The following RAPGEF4 variants were observed in gnomAD, a reference collection of about 807,000 sequenced individuals.
RAPGEF4 encodes the protein Rap guanine nucleotide exchange factor 4, also known as RAP guanine-nucleotide-exchange factor (GEF) 4.
In RAPGEF4, 66 loss-of-function variants were observed where a neutral mutation model predicts 147.9. The observed-to-expected ratio is 0.45, with a 90% CI of 0.37 to 0.55. The LOEUF (loss-of-function observed/expected upper bound fraction) is 0.55, where lower values mean the gene tolerates loss of function less well. Ranked by LOEUF, RAPGEF4 falls within the 20% of genes least tolerant of loss-of-function variation. The pLI is 0.00. For missense variants in RAPGEF4, 1,071 were observed against 1,257.3 expected, an observed-to-expected ratio of 0.85 and a Z score of 2.24; for synonymous variants, 419 against 442.7, an observed-to-expected ratio of 0.95 and a Z score of 0.67.
At chr2:172,808,955 C>A (rs536356069) in intron 3 of RAPGEF4, among the ~76,000 whole-genome samples, 9 of 152,318 alleles carry the variant, frequency 5.9e-5, no homozygotes, top group African/African-American at 1.9e-4. Flanking sequence ...TCTTTATTAA[C>A]TTACCTAATG....
At chr2:173,009,968 A>G (rs1310016666) in intron 17 of RAPGEF4, among the ~76,000 whole-genome samples, 1 of 152,234 alleles carries the variant, frequency 6.6e-6, no homozygotes, top group African/African-American at 2.4e-5. Context: ...TAAAGAAAGT[A>G]ATGTTAACAT....
chr2:172,819,017 GTC>G (rs1367707670), intron 4 of RAPGEF4, among the ~76,000 whole-genome samples: 1 of 152,138 alleles, frequency 6.6e-6, no homozygotes, highest in African/African-American at 2.4e-5. Context: ...TTCCTCAATA[GTC>G]TCTATAAATA....
At chr2:173,026,887 C>T (rs1176676651) in intron 24 of RAPGEF4, among the ~76,000 whole-genome samples, 190 bp downstream of exon 24, 6 of 152,044 alleles carry the variant, frequency 3.9e-5, no homozygotes, top group East Asian at 1.9e-4. Flanking sequence ...TACAGTATGC[C>T]GTGTCTTCCT....
rs1272032778 is a variant in RAPGEF4, at chr2:173,027,151, T to G, written c.2450T>G (p.Leu817Arg). 6 of 1,613,604 alleles carry G rather than the reference T, an allele frequency of 3.7e-6. No homozygotes were observed. The highest frequency in any genetic ancestry group is 1.3e-5 in the African/African-American group (1 of 74,916). The change falls in exon 25 of 31, where the codon CTG (leucine) becomes CGG (arginine). Residue 817 changes from leucine to arginine, a missense_variant. Physicochemically the swap from Leu to Arg is moderately radical, Grantham distance 102 (BLOSUM62 -2). Coordinates refer to ENST00000397081, the MANE Select transcript of RAPGEF4 (RefSeq NM_007023.4). ...ACCACAGCAAACTTGGATTTGTTCC[T>G]GAGGAGATTTAATGAAATTCAGTTT... ...KKTTANLDLF[L>R]RRFNEIQFWV...
At chr2:173,046,479 G>A (rs539755211) in intron 29 of RAPGEF4, among the ~76,000 whole-genome samples, 2 of 152,238 alleles carry the variant, frequency 1.3e-5, no homozygotes, top group Admixed American at 1.3e-4. Flanking sequence ...GGGCATACTG[G>A]CAGCATTTCC....
At chr2:172,737,304 T>G (rs933019652) in intron 1 of RAPGEF4, among the ~76,000 whole-genome samples, 2 of 152,156 alleles carry the variant, frequency 1.3e-5, no homozygotes, top group Non-Finnish European at 2.9e-5. Context: ...TCACACAGGA[T>G]TATGTAGAAG....
chr2:172,776,351 A>G (rs756937520), intron 1 of RAPGEF4, among the ~76,000 whole-genome samples: 18 of 152,220 alleles, frequency 1.2e-4, no homozygotes, highest in Non-Finnish European at 2.2e-4. Flanking sequence ...GAGGGGAAAT[A>G]AATCCCACCT....
At chr2:172,990,718 C>A (rs1206184898) in intron 14 of RAPGEF4, 92 bp from the exon 15 acceptor site, 1 of 833,668 alleles carries the variant, frequency 1.2e-6, no homozygotes, top group South Asian at 1.6e-5. Context: ...ATTAGCATGA[C>A]AAGCACCAAA....
chr2:172,922,619 T>C (rs1374547003), intron 6 of RAPGEF4, among the ~76,000 whole-genome samples: 2 of 152,258 alleles, frequency 1.3e-5, no homozygotes, highest in African/African-American at 4.8e-5. Context: ...ATTAGCCTAA[T>C]AGCATATAGA....
intron 3 of RAPGEF4, among the ~76,000 whole-genome samples, chr2:172,810,108 T>A (rs1027328363): frequency 4.6e-5 from 7 of 152,256 alleles, no homozygotes; most frequent in Admixed American, 3.3e-4. Context: ...GAGGTACTTA[T>A]ACTTACTAGG....
At chr2:172,864,180 T>A (rs1324851408) in intron 4 of RAPGEF4, among the ~76,000 whole-genome samples, 3 of 152,152 alleles carry the variant, frequency 2.0e-5, no homozygotes, top group African/African-American at 7.2e-5. Flanking sequence ...ATTTGGGTTG[T>A]TTTCACAAAC....
intron 3 of RAPGEF4, among the ~76,000 whole-genome samples, chr2:172,807,491 A>G (rs749143677): frequency 1.3e-5 from 2 of 152,236 alleles, no homozygotes; most frequent in Non-Finnish European, 1.5e-5. Flanking sequence ...TTTGGCAGGA[A>G]ATGCTTCTGC....
At chr2:172,875,839 A>G (rs1404333922) in intron 4 of RAPGEF4, among the ~76,000 whole-genome samples, 11 of 152,140 alleles carry the variant, frequency 7.2e-5, no homozygotes. Context: ...CTTGGGCAGT[A>G]TGGCCATTTT....
chr2:172,987,530 G>A (rs1692393143), intron 12 of RAPGEF4, among the ~76,000 whole-genome samples: 2 of 152,110 alleles, frequency 1.3e-5, no homozygotes, highest in African/African-American at 4.8e-5. Flanking sequence ...AAAAGAAAGT[G>A]GATGGTTGTG....
At chr2:172,983,806 C>T (rs1438651063) in intron 11 of RAPGEF4, among the ~76,000 whole-genome samples, 1 of 152,146 alleles carries the variant, frequency 6.6e-6, no homozygotes, top group African/African-American at 2.4e-5. Flanking sequence ...CCCTAAACCC[C>T]AGAGCAGCCC....
At chr2:172,953,525 C>T (rs1468371945) in intron 6 of RAPGEF4, among the ~76,000 whole-genome samples, 3 of 151,900 alleles carry the variant, frequency 2.0e-5, no homozygotes, top group African/African-American at 7.3e-5. Flanking sequence ...TATTTCAACT[C>T]AGTGAAATAT....
chr2:172,904,118 T>A (rs1448580861), intron 4 of RAPGEF4, among the ~76,000 whole-genome samples: 1 of 152,242 alleles, frequency 6.6e-6, no homozygotes, highest in Non-Finnish European at 1.5e-5. Flanking sequence ...ATGTAGGCAC[T>A]TTTTTGTAAC....
chr2:172,960,154 AG>A lies in RAPGEF4; in HGVS notation c.538-605del, dbSNP rs1689139739. ...CTCTAGAGCCTAGAGCTGATCTGACAGTCACAGAATCCTGAACTCTGTACAC... is the reference window on the plus strand; with the variant it reads ...CTCTAGAGCCTAGAGCTGATCTGACATCACAGAATCCTGAACTCTGTACAC... On this transcript the variant is annotated intron_variant, in intron 6 of 30. Coordinates refer to ENST00000397081, the MANE Select transcript of RAPGEF4 (RefSeq NM_007023.4). Among the ~76,000 whole-genome samples, 3 of 152,226 alleles carry A rather than the reference AG, an allele frequency of 2.0e-5. No homozygotes were observed. The South Asian group carries it at 6.2e-4, about 31-fold the overall frequency.
chr2:172,918,084 A>G (rs1177698894), intron 5 of RAPGEF4: 2 of 716,112 alleles, frequency 2.8e-6, no homozygotes, highest in Non-Finnish European at 5.1e-6. Context: ...AGAGAGAGGT[A>G]TGCTCTGGTG....
Sources: allele counts gnomAD v4.1 joint callset (sites outside exome capture counted in the v4.1 genomes callset), GRCh38; gene constraint gnomAD v4.1.1; transcripts MANE v1.5; gene names NCBI Gene and HGNC (gene_info 2026-07-23, HGNC 2026-07-21).